Variants in RIMS2 observed in about 807,000 individuals in gnomAD.
RIMS2 encodes the protein regulating synaptic membrane exocytosis 2, also known as regulating synaptic membrane exocytosis protein 2.
RIMS2 carries 59 observed loss-of-function variants against 174.4 expected under a neutral mutation model. The ratio of observed to expected loss-of-function variants is 0.34; its 90% confidence interval spans 0.27 to 0.42. The LOEUF (loss-of-function observed/expected upper bound fraction) is 0.42. Ranked by LOEUF, RIMS2 falls within the 10% of genes least tolerant of loss-of-function variation. The pLI, the probability that RIMS2 is intolerant of heterozygous loss-of-function variation, is 1.00. For missense variants in RIMS2, 1,620 were observed against 1,666.3 expected (o/e 0.97, Z 0.48); for synonymous variants, 606 against 572.5 (o/e 1.06, Z -0.84).
At chr8:103,706,793 G>T (rs1480145541) in intron 2 of RIMS2, among the ~76,000 whole-genome samples, 4 of 151,524 alleles carry the variant, frequency 2.6e-5, no homozygotes, top group African/African-American at 9.6e-5. Flanking sequence ...GAATCTGCTG[G>T]TATTCTTTGA....
chr8:104,240,882 A>C (rs2099286932), intron 19 of RIMS2, among the ~76,000 whole-genome samples: 1 of 152,140 alleles, frequency 6.6e-6, no homozygotes, highest in Admixed American at 6.5e-5. Context: ...CACTATCCTA[A>C]GTGCTTTAAA....
At chr8:103,543,405 G>A (rs984050249) in intron 1 of RIMS2, among the ~76,000 whole-genome samples, 3 of 151,982 alleles carry the variant, frequency 2.0e-5, no homozygotes, top group East Asian at 1.9e-4. Context: ...TGAATTAGAA[G>A]AATTAATATT....
intron 3 of RIMS2, among the ~76,000 whole-genome samples, chr8:103,870,135 GT>G (rs35075712): frequency 0.67 from 97,245 of 144,208 alleles, 32,979 homozygotes; most frequent in East Asian, 0.98. Context: ...AAGGACAGCT[GT>G]TTTTTTTTTT....
At chr8:104,116,218 T>C (rs931657444) in intron 19 of RIMS2, among the ~76,000 whole-genome samples, 17 of 152,164 alleles carry the variant, frequency 1.1e-4, no homozygotes, top group African/African-American at 3.9e-4. Flanking sequence ...GTGTTAAAAG[T>C]AAATTAAACT....
chr8:104,008,496 T>TGC (rs917637182), intron 17 of RIMS2, among the ~76,000 whole-genome samples: 1 of 151,542 alleles, frequency 6.6e-6, no homozygotes, highest in Admixed American at 6.6e-5. Context: ...TGTGTGTGTG[T>TGC]GTGTGTGTGT....
chr8:104,069,617 C>T (rs986405781), intron 19 of RIMS2, among the ~76,000 whole-genome samples: 12 of 151,614 alleles, frequency 7.9e-5, no homozygotes, highest in East Asian at 1.9e-4. Flanking sequence ...TACAGACATG[C>T]GCCACCATGC....
At chr8:103,894,926 A>G (rs186659655) in intron 4 of RIMS2, among the ~76,000 whole-genome samples, 31 of 151,742 alleles carry the variant, frequency 2.0e-4, no homozygotes, top group Non-Finnish European at 2.9e-4. Context: ...AGTTATCTTG[A>G]GATCAGTTGA....
intron 3 of RIMS2, among the ~76,000 whole-genome samples, chr8:103,789,749 C>CTTTTTTTTTTT (rs11354049): frequency 2.1e-4 from 18 of 85,160 alleles, no homozygotes; most frequent in African/African-American, 2.8e-4. Context: ...GGATTGTACT[C>CTTTTTTTTTTT]TTTTTTTTTT....
intron 2 of RIMS2, among the ~76,000 whole-genome samples, chr8:103,760,483 CA>C (rs2098098293): frequency 6.6e-6 from 1 of 152,208 alleles, no homozygotes; most frequent in South Asian, 2.1e-4. Context: ...CAAAATCCAC[CA>C]TGGCAGTGCT....
chr8:103,993,921 C>CT (rs1290835976), intron 17 of RIMS2, among the ~76,000 whole-genome samples: 1 of 151,172 alleles, frequency 6.6e-6, no homozygotes, highest in Non-Finnish European at 1.5e-5. Context: ...TGGTGTGCAC[C>CT]TTTTTTTTAT....
intron 3 of RIMS2, chr8:103,768,373 T>C: frequency 2.7e-6 from 2 of 734,870 alleles, no homozygotes; most frequent in South Asian, 2.8e-5. Flanking sequence ...ATGAGAAGCA[T>C]ATGGCCACAG....
At chr8:103,890,842 GATCT>G (rs10570545) in intron 4 of RIMS2, among the ~76,000 whole-genome samples, 28,115 of 151,668 alleles carry the variant, frequency 0.19, 3,046 homozygotes, top group South Asian at 0.32. Context: ...TTTGTAATTT[GATCT>G]ATTATTTTCT....
At chr8:103,746,783 C>T (rs1407249169) in intron 2 of RIMS2, among the ~76,000 whole-genome samples, 8 of 152,004 alleles carry the variant, frequency 5.3e-5, no homozygotes, top group Admixed American at 4.6e-4. Flanking sequence ...CGGGTTCAAG[C>T]GATTCTCCTG....
rs59348302 is a variant in RIMS2, at chr8:103,734,014, C to CTTTTTTTTTTT, written c.388-32198_388-32188dup. 3.8e-3 allele frequency among the ~76,000 whole-genome samples: 329 copies of CTTTTTTTTTTT among 85,724 alleles called. 28 individuals carry two copies. Among genetic ancestry groups the CTTTTTTTTTTT allele is most frequent in the African/African-American group, 0.016 (303 of 18,576 alleles). The allele number at this position is 85,724 out of a possible 152,430, so 56.2% of individuals were successfully genotyped here. ...CTTGCTTTACCTCTCCTAAAAGCTT[C>CTTTTTTTTTTT]TTTTTTTTTTTTTTTTTTTTTTTTT... is the stretch of plus-strand genomic sequence containing the variant. On this transcript the variant is annotated intron_variant, in intron 2 of 23. Coordinates refer to ENST00000504942, the Ensembl canonical transcript of RIMS2.
At chr8:103,795,655 G>A (rs1276190575) in intron 3 of RIMS2, among the ~76,000 whole-genome samples, 2 of 151,932 alleles carry the variant, frequency 1.3e-5, no homozygotes, top group East Asian at 3.9e-4. Flanking sequence ...CCACCAGATG[G>A]CGAACATGCG....
intron 19 of RIMS2, among the ~76,000 whole-genome samples, chr8:104,047,362 G>C (rs1241184588): frequency 1.3e-5 from 2 of 152,082 alleles, no homozygotes; most frequent in Non-Finnish European, 2.9e-5. Context: ...AATTTCAGCT[G>C]TTAGGGAAAA....
intron 3 of RIMS2, among the ~76,000 whole-genome samples, chr8:103,792,416 A>G (rs1278844214): frequency 6.6e-6 from 1 of 152,206 alleles, no homozygotes; most frequent in Non-Finnish European, 1.5e-5. Context: ...GGACACACTT[A>G]AAAGAGTGTG....
intron 3 of RIMS2, chr8:103,819,111 TTG>T (rs1043787067): frequency 5.0e-5 from 29 of 576,796 alleles, no homozygotes; most frequent in Non-Finnish European, 6.2e-5. Context: ...TGATATTTTA[TTG>T]CTGGCAGCCA....
intron 19 of RIMS2, among the ~76,000 whole-genome samples, chr8:104,144,145 G>C (rs2098608724): frequency 6.6e-6 from 1 of 151,772 alleles, no homozygotes. Flanking sequence ...TACTAGATTT[G>C]CCTTTTTCTT....
Sources: allele counts gnomAD v4.1 joint callset (sites outside exome capture counted in the v4.1 genomes callset), GRCh38; gene constraint gnomAD v4.1.1; transcripts MANE v1.5; gene names NCBI Gene and HGNC (gene_info 2026-07-23, HGNC 2026-07-21).